The following UNC5D variants were observed in gnomAD, a reference collection of about 807,000 sequenced individuals.
UNC5D encodes unc-5 netrin receptor D, also known as netrin receptor UNC5D.
Under a neutral mutation model 105.4 loss-of-function variants are expected in UNC5D, and 39 were observed. That is an observed-to-expected ratio of 0.37 (90% CI 0.29 to 0.48). The LOEUF is 0.48. Ranked by LOEUF, UNC5D falls within the 20% of genes least tolerant of loss-of-function variation. The pLI, the probability that UNC5D is intolerant of heterozygous loss-of-function variation, is 0.98. For missense variants in UNC5D, 991 were observed against 1,202.4 expected (o/e 0.82, Z 2.60); for synonymous variants, 452 against 450.4 (o/e 1.00, Z -0.04).
intron 4 of UNC5D, among the ~76,000 whole-genome samples, chr8:35,622,009 C>G (rs1465759025): frequency 6.6e-6 from 1 of 152,212 alleles, no homozygotes; most frequent in African/African-American, 2.4e-5. Flanking sequence ...ACTTAAAAGG[C>G]AACAGGCTTG....
chr8:35,455,385 T>G (rs1461860240), intron 1 of UNC5D, among the ~76,000 whole-genome samples: 2 of 151,946 alleles, frequency 1.3e-5, no homozygotes, highest in African/African-American at 4.8e-5. Context: ...TCCAAGTGAT[T>G]CTCATGCCTC....
intron 1 of UNC5D, among the ~76,000 whole-genome samples, chr8:35,324,492 A>C (rs572426511): frequency 6.6e-6 from 1 of 152,218 alleles, no homozygotes; most frequent in African/African-American, 2.4e-5. Context: ...GCATTTCATA[A>C]ATTGCAAAAT....
intron 3 of UNC5D, among the ~76,000 whole-genome samples, chr8:35,586,011 A>T (rs1164797251): frequency 2.0e-5 from 3 of 152,068 alleles, no homozygotes; most frequent in Non-Finnish European, 4.4e-5. Context: ...GGTGGCTCAC[A>T]TCTGTAATCC....
At chr8:35,385,760 C>T (rs746011779) in intron 1 of UNC5D, among the ~76,000 whole-genome samples, 3 of 152,136 alleles carry the variant, frequency 2.0e-5, no homozygotes, top group Non-Finnish European at 4.4e-5. Flanking sequence ...CCCCCACGCC[C>T]GGCCTACCTA....
intron 3 of UNC5D, among the ~76,000 whole-genome samples, chr8:35,578,244 GAAAGAAA>G: frequency 1.0e-5 from 1 of 99,858 alleles, no homozygotes; most frequent in East Asian, 2.9e-4. Context: ...AAAAAAAAAA[GAAAGAAA>G]AAAGAAAAAC....
chr8:35,270,290 A>G (rs1223110236), intron 1 of UNC5D, among the ~76,000 whole-genome samples: 2 of 152,154 alleles, frequency 1.3e-5, no homozygotes, highest in Admixed American at 6.5e-5. Context: ...TGGGCTTTCG[A>G]TAGAAGATTG....
intron 1 of UNC5D, among the ~76,000 whole-genome samples, chr8:35,438,529 T>C (rs1409676583): frequency 1.3e-5 from 2 of 152,028 alleles, no homozygotes; most frequent in African/African-American, 2.4e-5. Context: ...GGGCATCTTG[T>C]ATATAGAAAA....
rs757814569 is a variant in UNC5D at position 35,766,991 on chromosome 8, G to A, written c.2403G>A (p.Gln801=). The change falls in exon 15 of 17, where the codon CAG becomes CAA. Residue 801 remains glutamine, a synonymous_variant. Transcript: ENST00000404895. The part of the protein sequence containing the change: ...SLERYTPTTT[Q]LSCKICIRQL... ...AGCGTTATACGCCCACTACCACCCA[G>A]CTGTCCTGCAAAATCTGCATTCGGC... 1.9e-6 allele frequency: 3 copies of A among 1,614,012 alleles called. No individual in the cohort carries two copies. The highest frequency in any genetic ancestry group is 2.2e-5 in the East Asian group (1 of 44,836).
At chr8:35,389,563 C>G (rs926917854) in intron 1 of UNC5D, among the ~76,000 whole-genome samples, 12 of 152,148 alleles carry the variant, frequency 7.9e-5, no homozygotes, top group African/African-American at 2.2e-4. Flanking sequence ...TCCCCTGCCT[C>G]TTTTATAAAA....
intron 7 of UNC5D, among the ~76,000 whole-genome samples, chr8:35,698,826 A>G (rs985100655): frequency 1.3e-5 from 2 of 152,188 alleles, no homozygotes; most frequent in African/African-American, 2.4e-5. Context: ...TTATCATGAC[A>G]TTAACCAATA....
chr8:35,648,310 A>G (rs1034249438), intron 4 of UNC5D, among the ~76,000 whole-genome samples: 1 of 152,168 alleles, frequency 6.6e-6, no homozygotes, highest in African/African-American at 2.4e-5. Flanking sequence ...TATGATTGTT[A>G]ACATCATTAA....
intron 1 of UNC5D, among the ~76,000 whole-genome samples, chr8:35,405,096 T>C (rs1585765766): frequency 6.6e-6 from 1 of 152,210 alleles, no homozygotes; most frequent in East Asian, 1.9e-4. Context: ...AGAAACAATA[T>C]GTGAGCAAAG....
chr8:35,390,823 C>G (rs764747149), intron 1 of UNC5D, among the ~76,000 whole-genome samples: 6 of 152,166 alleles, frequency 3.9e-5, no homozygotes, highest in Non-Finnish European at 8.8e-5. Flanking sequence ...AACTCTTCTT[C>G]ATTGTCTTCT....
At chr8:35,698,441 C>A (rs1428123378) in intron 7 of UNC5D, among the ~76,000 whole-genome samples, 1 of 152,054 alleles carries the variant, frequency 6.6e-6, no homozygotes, top group East Asian at 1.9e-4. Flanking sequence ...CAGCCCTCAG[C>A]AACCACCATT....
Position 35,248,174 on chromosome 8 carries a change from ATATATAT to A in UNC5D, c.103+12288_103+12294del, listed in dbSNP as rs1563247332. Among the ~76,000 whole-genome samples the A allele has an allele frequency of 3.3e-3, 144 of 43,524 alleles. 9 individuals are homozygous for A. Among genetic ancestry groups the A allele is most frequent in the Admixed American group, 0.011 (21 of 1,918 alleles). The allele number at this position is 43,524 out of a possible 152,430, so 28.6% of individuals were successfully genotyped here. ...ATAATATATAAATATATATTATATA[ATATATAT>A]AATATATAAATATATATTATATAAA... On this transcript the variant is annotated intron_variant, in intron 1 of 16. Transcript: ENST00000404895.
At chr8:35,378,060 C>T (rs1432017119) in intron 1 of UNC5D, among the ~76,000 whole-genome samples, 1 of 152,090 alleles carries the variant, frequency 6.6e-6, no homozygotes, top group African/African-American at 2.4e-5. Flanking sequence ...CTGCTGCTAT[C>T]TGGTCACTCA....
intron 1 of UNC5D, among the ~76,000 whole-genome samples, chr8:35,526,276 T>G (rs12546786): frequency 0.14 from 21,373 of 152,192 alleles, 1,859 homozygotes; most frequent in East Asian, 0.27. Flanking sequence ...CTTGCATTGT[T>G]CCCTGCAGTC....
intron 1 of UNC5D, among the ~76,000 whole-genome samples, chr8:35,400,690 C>T (rs1386826817): frequency 6.6e-6 from 1 of 152,120 alleles, no homozygotes; most frequent in African/African-American, 2.4e-5. Context: ...TGAAATAAAT[C>T]TTGACAGAAT....
At chr8:35,549,181 G>A in intron 1 of UNC5D, 111 bp from the exon 2 acceptor site, 1 of 1,004,136 alleles carries the variant, frequency 1.0e-6, no homozygotes, top group Non-Finnish European at 1.5e-6. Context: ...TATTAATAAA[G>A]CGAATATTTC....
Sources: gnomAD v4.1 joint callset for allele counts (sites outside exome capture counted in the v4.1 genomes callset) on GRCh38, gnomAD v4.1.1 for gene constraint, MANE v1.5 for transcripts, NCBI Gene and HGNC (gene_info 2026-07-23, HGNC 2026-07-21) for gene names.